The following OVCH1 variants were observed in gnomAD, a reference collection of about 807,000 sequenced individuals.
OVCH1 encodes ovochymase-1.
In OVCH1, 139 loss-of-function variants were observed where a neutral mutation model predicts 138.4. That is an observed-to-expected ratio of 1.00 (90% CI 0.87 to 1.16). The LOEUF is 1.16. Among genes scored for constraint, OVCH1 ranks in the 50% most tolerant of loss-of-function variants. OVCH1 has a pLI of 0.00. For missense variants in OVCH1, 1,367 were observed against 1,357.9 expected (o/e 1.01, Z -0.11); for synonymous variants, 453 against 467.8 (o/e 0.97, Z 0.41).
Position 29,455,152 on chromosome 12 carries a change from G to A in OVCH1, c.2437+97C>T. ...TAACTAAATGAAATTCTACTCTATG[G>A]TTTTCTCTTTCATGCTAATTTATAC... On this transcript the variant is annotated intron_variant, in intron 20 of 27. Transcript: ENST00000318184. The A allele has an allele frequency of 2.1e-6, 3 of 1,398,872 alleles. No homozygotes were observed. The South Asian group carries it at 4.2e-5, about 20-fold the overall frequency. 86.7% of individuals were successfully genotyped at this position (1,398,872 alleles called of 1,614,324 possible).
intron 16 of OVCH1, among the ~76,000 whole-genome samples, chr12:29,465,487 C>G (rs1484101529): frequency 1.3e-5 from 2 of 152,112 alleles, no homozygotes; most frequent in East Asian, 3.9e-4. Context: ...AAGCCACACA[C>G]TTTTGAACCA....
downstream of OVCH1, among the ~76,000 whole-genome samples, chr12:29,423,516 G>GA (rs571393923): frequency 2.4e-3 from 366 of 152,208 alleles, no homozygotes; most frequent in African/African-American, 8.1e-3. Flanking sequence ...AGACCTGATA[G>GA]AAAAAATGGT....
intron 27 of OVCH1, among the ~76,000 whole-genome samples, chr12:29,430,527 A>C (rs1045749773): frequency 6.6e-6 from 1 of 152,054 alleles, no homozygotes; most frequent in Admixed American, 6.5e-5. Context: ...AGGTCAATGG[A>C]GTTACATTCC....
At chr12:29,462,821 G>A (rs373086040) in intron 18 of OVCH1, among the ~76,000 whole-genome samples, 24 of 152,130 alleles carry the variant, frequency 1.6e-4, no homozygotes, top group African/African-American at 5.3e-4. Flanking sequence ...CAGCTCTTAC[G>A]GGACAGAACT....
Position 29,451,522 on chromosome 12 carries a change from T to C in OVCH1, c.2578A>G (p.Thr860Ala), listed in dbSNP as rs557267307. 7 of 1,613,032 alleles carry C rather than the reference T, an allele frequency of 4.3e-6. No homozygotes were observed. The East Asian group carries it at 1.6e-4, about 36-fold the overall frequency. Residue 860 changes from threonine to alanine, a missense_variant, in exon 22 of 28, where the codon ACA becomes GCA. Thr to Ala is a moderately conservative substitution (Grantham distance 58). Transcript: ENST00000318184. The stretch of plus-strand genomic sequence containing the variant: ...CTATAATCCAGTAGATACCGTGGTG[T>C]GGGAAAAAAGCCTCTAGGCTTTTCT...
intron 26 of OVCH1, among the ~76,000 whole-genome samples, chr12:29,436,127 T>G (rs1454685472): frequency 6.6e-6 from 1 of 152,018 alleles, no homozygotes; most frequent in Non-Finnish European, 1.5e-5. Flanking sequence ...GCTGCATAAA[T>G]TTATAATTTA....
intron 19 of OVCH1, among the ~76,000 whole-genome samples, chr12:29,460,502 C>T (rs1294245678): frequency 1.3e-5 from 2 of 152,052 alleles, no homozygotes; most frequent in Non-Finnish European, 2.9e-5. Flanking sequence ...TGGGGTCTTC[C>T]CCACTCTCCA....
At chr12:29,417,318 C>T (rs1475324655) in intron 3 of OVCH1, among the ~76,000 whole-genome samples, 1 of 151,830 alleles carries the variant, frequency 6.6e-6, no homozygotes, top group Non-Finnish European at 1.5e-5. Context: ...AAAAACTTAG[C>T]CAGGCATGGT....
chr12:29,485,601 C>T (rs1401703267), intron 8 of OVCH1, among the ~76,000 whole-genome samples: 3 of 152,122 alleles, frequency 2.0e-5, no homozygotes, highest in Admixed American at 6.6e-5. Flanking sequence ...GGTGAAAACA[C>T]GTCTCTACTA....
chr12:29,424,341 C>G (rs561500068), downstream of OVCH1, among the ~76,000 whole-genome samples: 34 of 152,202 alleles, frequency 2.2e-4, no homozygotes, highest in South Asian at 2.1e-4. Context: ...GTTCCTTGCC[C>G]TCATTCCAGT....
chr12:29,433,994 C>T lies in OVCH1; in HGVS notation c.3265-181G>A, dbSNP rs544548293. On this transcript the variant is annotated intron_variant, in intron 26 of 27. Coordinates refer to ENST00000318184, the Ensembl canonical transcript of OVCH1. ...TACTGAGGGAATTCTAATAAATATTCAGAATTAAATATAATGGCAAATGTT... is the reference window on the plus strand; with the variant it reads ...TACTGAGGGAATTCTAATAAATATTTAGAATTAAATATAATGGCAAATGTT... Among the ~76,000 whole-genome samples the T allele has an allele frequency of 2.7e-5, 4 of 150,064 alleles. No homozygotes were observed. In the South Asian group the frequency reaches 8.5e-4, roughly 32 times the overall value.
rs7295558 is a variant in OVCH1 at position 29,496,494 on chromosome 12, C to A, written c.183+62G>T. ...ACATATCAACGTGCATTCTTGCTTT[C>A]GAAACAAAGGAAATATTTCACTGTT... On this transcript the variant is annotated intron_variant, in intron 2 of 27. Transcript: ENST00000318184. The A allele has an allele frequency of 9.8e-6, 14 of 1,434,362 alleles. No homozygotes were observed. The East Asian group carries it at 2.5e-4, about 26-fold the overall frequency. 88.9% of individuals were successfully genotyped at this position (1,434,362 alleles called of 1,614,324 possible).
At position 29,427,599 on chromosome 12, in the gene OVCH1, G is replaced by A. The variant is rs1246565403; in HGVS notation, c.3377C>T (p.Pro1126Leu). ...AGAACCAGAAAGTGAGCCCTTAGCA[G>A]GCACCAAATCTGCTGGCACCTGGAT... is the stretch of plus-strand genomic sequence containing the variant. Residue 1126 changes from proline (P) to leucine (L), a missense_variant, in exon 28 of 28, where the codon CCT becomes CTT. Coordinates refer to ENST00000318184, the Ensembl canonical transcript of OVCH1. 3.9e-6 allele frequency: 6 copies of A among 1,551,438 alleles called. No individual in the cohort carries two copies. The East Asian group carries it at 1.2e-4, about 32-fold the overall frequency.
the OVCH1 span, among the ~76,000 whole-genome samples, chr12:29,404,555 A>G: frequency 6.6e-6 from 1 of 152,186 alleles, no homozygotes; most frequent in Non-Finnish European, 1.5e-5. Flanking sequence ...ACTGAAAGAT[A>G]AGTTAGTGTA....
chr12:29,462,114 C>G, intron 18 of OVCH1, 106 bp from the exon 19 acceptor site: 1 of 1,269,028 alleles, frequency 7.9e-7, no homozygotes, highest in Non-Finnish European at 1.1e-6. Context: ...TAGCTGAAGT[C>G]ATTCAGTTTG....
rs1384447229 is a variant in OVCH1 at position 29,452,442 on chromosome 12, C to T, written c.2531-873G>A. Among the ~76,000 whole-genome samples, 3 of 105,500 alleles carry T rather than the reference C, an allele frequency of 2.8e-5. No homozygotes were observed. The South Asian group carries it at 8.1e-4, about 28-fold the overall frequency. The allele number at this position is 105,500 out of a possible 152,430, so 69.2% of individuals were successfully genotyped here. A position where few individuals can be genotyped will look rare whatever the true frequency, so the allele number is the denominator to read the frequency against. On this transcript the variant is annotated intron_variant, in intron 21 of 27. Coordinates refer to ENST00000318184, the Ensembl canonical transcript of OVCH1. ...TGTTAGTCCTCTTTTTTTATCTGTA[C>T]AGCTACAAGAACCAATCAGATATTT...
chr12:29,424,774 G>T (rs73276833), downstream of OVCH1, among the ~76,000 whole-genome samples: 1 of 151,994 alleles, frequency 6.6e-6, no homozygotes, highest in Non-Finnish European at 1.5e-5. Context: ...CTCTGTCTGT[G>T]CCTCAGTATT....
intron 27 of OVCH1, chr12:29,430,899 A>G: frequency 1.9e-6 from 1 of 518,736 alleles, no homozygotes; most frequent in Non-Finnish European, 3.9e-6. Context: ...GCCTTTTCCC[A>G]GTACCTCTAG....
downstream of OVCH1, among the ~76,000 whole-genome samples, chr12:29,426,265 A>C (rs545355186): frequency 2.0e-5 from 3 of 152,116 alleles, no homozygotes; most frequent in Non-Finnish European, 4.4e-5. Context: ...AAATCCATCA[A>C]CCCTTTAAAA....
Sources: gnomAD v4.1 joint callset for allele counts (sites outside exome capture counted in the v4.1 genomes callset) on GRCh38, gnomAD v4.1.1 for gene constraint, MANE v1.5 for transcripts, NCBI Gene and HGNC (gene_info 2026-07-23, HGNC 2026-07-21) for gene names.